MICU3: variants seen among roughly 807,000 people sequenced by gnomAD.
MICU3 encodes mitochondrial calcium uptake 3, also known as calcium uptake protein 3, mitochondrial.
Under a neutral mutation model 66.5 loss-of-function variants are expected in MICU3, and 62 were observed. The ratio of observed to expected loss-of-function variants is 0.93; its 90% CI spans 0.76 to 1.15. The LOEUF (loss-of-function observed/expected upper bound fraction) is 1.15, where lower values mean the gene tolerates loss of function less well. Ranked by LOEUF, MICU3 falls within the 50% of genes most tolerant of loss-of-function variation. MICU3 has a pLI of 0.00. For synonymous variants in MICU3, 308 were observed against 240.7 expected, an observed-to-expected ratio of 1.28 and a Z score of -2.59; for missense variants, 779 against 664.4, an observed-to-expected ratio of 1.17 and a Z score of -1.90.
chr8:17,048,805 G>C (rs749056433), intron 1 of MICU3, among the ~76,000 whole-genome samples: 2 of 152,064 alleles, frequency 1.3e-5, no homozygotes, highest in East Asian at 1.9e-4. Flanking sequence ...AAATTGTAGA[G>C]ACAGGTTGCC....
At chr8:17,052,702 A>G (rs1430167005) in intron 1 of MICU3, among the ~76,000 whole-genome samples, 1 of 152,186 alleles carries the variant, frequency 6.6e-6, no homozygotes, top group East Asian at 1.9e-4. Context: ...TTTCACTTAG[A>G]GTACTTGGGA....
chr8:17,093,852 TTTTTAAAATATA>T (rs1800358811), intron 8 of MICU3, among the ~76,000 whole-genome samples: 1 of 152,012 alleles, frequency 6.6e-6, no homozygotes, highest in African/African-American at 2.4e-5. Flanking sequence ...CTTTCCCTGA[TTTTTAAAATATA>T]TTTTAGTTCA....
At chr8:17,093,783 C>T (rs1216471746) in intron 8 of MICU3, among the ~76,000 whole-genome samples, 1 of 151,802 alleles carries the variant, frequency 6.6e-6, no homozygotes, top group African/African-American at 2.4e-5. Flanking sequence ...GAATATACTA[C>T]CTACCTCTAT....
chr8:17,038,297 G>A (rs1202175551), intron 1 of MICU3, among the ~76,000 whole-genome samples: 1 of 152,130 alleles, frequency 6.6e-6, no homozygotes, highest in South Asian at 2.1e-4. Context: ...GTGGGGGTGG[G>A]TTTTTCCCAT....
chr8:17,132,369 T>G, the MICU3 span: 6 of 152,184 alleles, frequency 3.9e-5, no homozygotes, highest in Non-Finnish European at 7.3e-5. Flanking sequence ...CAGAACCTGG[T>G]AGAGTAATTC....
rs181837910 is a variant in MICU3 at position 17,051,199 on chromosome 8, A to T, written c.382-12885A>T. Among the ~76,000 whole-genome samples the T allele has an allele frequency of 3.2e-3, 482 of 152,236 alleles. 2 individuals are homozygous for T. The highest frequency in any genetic ancestry group is 0.011 in the African/African-American group (454 of 41,542). ...GTCAGCTACAGTATTAGTACCACAT[A>T]GGTATTGGTTTTTTAATATTATGTT... is the stretch of plus-strand genomic sequence containing the variant. On this transcript the variant is annotated intron_variant, in intron 1 of 14. Transcript: ENST00000318063.
chr8:17,113,126 C>A (rs1802356185), intron 11 of MICU3, among the ~76,000 whole-genome samples: 1 of 152,164 alleles, frequency 6.6e-6, no homozygotes, highest in Non-Finnish European at 1.5e-5. Flanking sequence ...GGTAATAAAT[C>A]ATTTGATCTA....
chr8:17,044,974 CCTGT>C (rs1254455388), intron 1 of MICU3, among the ~76,000 whole-genome samples: 2 of 151,962 alleles, frequency 1.3e-5, no homozygotes, highest in Non-Finnish European at 2.9e-5. Context: ...GTCAAGTGGC[CCTGT>C]CTAACTGCAA....
At chr8:17,126,918 GAC>G (rs1004904908), downstream of MICU3, among the ~76,000 whole-genome samples, 7 of 152,142 alleles carry the variant, frequency 4.6e-5, no homozygotes, top group African/African-American at 9.7e-5. Context: ...TACACTCTCT[GAC>G]ACAGTATATT....
intron 1 of MICU3, among the ~76,000 whole-genome samples, chr8:17,032,950 A>G (rs1240577916): frequency 6.6e-6 from 1 of 152,182 alleles, no homozygotes; most frequent in African/African-American, 2.4e-5. Flanking sequence ...TAATTGTACC[A>G]TGCACCATGA....
At chr8:17,117,332 T>G (rs1217594132) in intron 13 of MICU3, among the ~76,000 whole-genome samples, 2 of 152,192 alleles carry the variant, frequency 1.3e-5, no homozygotes, top group Admixed American at 1.3e-4. Flanking sequence ...GATGCTCTTA[T>G]GTTACTGCAT....
intron 1 of MICU3, among the ~76,000 whole-genome samples, chr8:17,059,299 C>T (rs1817470622): frequency 6.6e-6 from 1 of 152,144 alleles, no homozygotes; most frequent in South Asian, 2.1e-4. Context: ...CTCTAAGGAC[C>T]ATTCTAACTC....
chr8:17,064,199 A>G lies in MICU3; in HGVS notation c.497A>G (p.Tyr166Cys), dbSNP rs1419543943. Residue 166 changes from tyrosine to cysteine, a missense_variant, in exon 2 of 15, where the codon TAT (tyrosine) becomes TGT (cysteine). By Grantham distance (194) the Tyr-to-Cys change is radical. Coordinates refer to ENST00000318063, the MANE Select transcript of MICU3 (RefSeq NM_181723.3). ...ECEGQLFMTPYDFILAVTTDE... is the reference protein window; with the variant it reads ...ECEGQLFMTPCDFILAVTTDE... ...GAAGGGCAGTTATTCATGACTCCGT[A>G]TGATTTTATTTTGGCTGTTACAACA... 3 of 1,612,432 alleles carry G rather than the reference A, an allele frequency of 1.9e-6. No individual in the cohort carries two copies. The highest frequency in any genetic ancestry group is 2.2e-5 in the East Asian group (1 of 44,822).
chr8:17,070,724 A>G (rs1819454945), intron 3 of MICU3, among the ~76,000 whole-genome samples: 1 of 152,002 alleles, frequency 6.6e-6, no homozygotes, highest in Non-Finnish European at 1.5e-5. Flanking sequence ...CCTACAGCAA[A>G]TGTCATGGTC....
intron 1 of MICU3, among the ~76,000 whole-genome samples, chr8:17,060,801 A>T (rs990790351): frequency 3.5e-5 from 5 of 142,354 alleles, no homozygotes; most frequent in African/African-American, 1.0e-4. Flanking sequence ...TTAGGATATA[A>T]TTTTTTTTTT....
Position 17,116,593 on chromosome 8 carries a change from G to T in MICU3, c.1517G>T (p.Gly506Val). 1 of 1,559,666 alleles carries T rather than the reference G, an allele frequency of 6.4e-7. No homozygotes were observed. Among genetic ancestry groups the T allele is most frequent in the Non-Finnish European group, 8.6e-7 (1 of 1,161,014 alleles). Residue 506 changes from glycine to valine, a missense_variant, in exon 13 of 15, where the codon GGA becomes GTA. Coordinates refer to ENST00000318063, the MANE Select transcript of MICU3 (RefSeq NM_181723.3). ...ATTATGAAAGACAGACTCCATAGAG[G>T]ATTCCGGGTAAACCTACACATTTTA... ...IGIMKDRLHR[G>V]FRGYKTVQKY...
the MICU3 span, among the ~76,000 whole-genome samples, chr8:17,135,975 G>A: frequency 6.6e-6 from 1 of 151,988 alleles, no homozygotes; most frequent in African/African-American, 2.4e-5. Context: ...TGGACAAGTT[G>A]ACTTCTCTAT....
At chr8:17,118,807 CA>C (rs749192123) in intron 14 of MICU3, 32 bp downstream of exon 14, 25 of 1,339,248 alleles carry the variant, frequency 1.9e-5, no homozygotes, top group Non-Finnish European at 2.6e-5. Flanking sequence ...TAAATTTGTT[CA>C]GTAACAATAG....
chr8:17,060,289 CTG>C (rs1817620729), intron 1 of MICU3, among the ~76,000 whole-genome samples: 1 of 140,778 alleles, frequency 7.1e-6, no homozygotes, highest in Non-Finnish European at 1.5e-5. Flanking sequence ...CATGGGGAAA[CTG>C]TTTACTTTTT....
Sources: allele counts gnomAD v4.1 joint callset (sites outside exome capture counted in the v4.1 genomes callset), GRCh38; gene constraint gnomAD v4.1.1; transcripts MANE v1.5; gene names NCBI Gene and HGNC (gene_info 2026-07-23, HGNC 2026-07-21).